The following PCDHA11 variants were observed in gnomAD, a reference collection of about 807,000 sequenced individuals.
PCDHA11 encodes the protein protocadherin alpha-11.
In PCDHA11, 61 loss-of-function variants were observed where a neutral mutation model predicts 70.3. That is an observed-to-expected ratio of 0.87 (90% CI 0.71 to 1.07). The LOEUF (loss-of-function observed/expected upper bound fraction) is 1.07, where lower values mean the gene tolerates loss of function less well. Ranked by LOEUF, PCDHA11 falls within the 50% of genes least tolerant of loss-of-function variation. The pLI, the probability that PCDHA11 is intolerant of heterozygous loss-of-function variation, is 0.00. For missense variants in PCDHA11, 1,324 were observed against 1,237.5 expected, an observed-to-expected ratio of 1.07 and a Z score of -1.05; for synonymous variants, 633 against 555.1, an observed-to-expected ratio of 1.14 and a Z score of -1.97.
intron 1 of PCDHA11, among the ~76,000 whole-genome samples, chr5:140,975,613 A>G (rs1482474647): frequency 1.3e-5 from 2 of 152,226 alleles, no homozygotes; most frequent in Non-Finnish European, 2.9e-5. Context: ...TGTCTTCCAC[A>G]TGGATTTCCA....
intron 1 of PCDHA11, among the ~76,000 whole-genome samples, chr5:140,955,446 A>G (rs574900327): frequency 6.6e-6 from 1 of 152,194 alleles, no homozygotes; most frequent in Non-Finnish European, 1.5e-5. Context: ...TGATGGTTTT[A>G]TAAGGGCTTT....
intron 3 of PCDHA11, among the ~76,000 whole-genome samples, chr5:141,001,099 C>A (rs1554258004): frequency 6.6e-6 from 1 of 151,694 alleles, no homozygotes; most frequent in African/African-American, 2.4e-5. Context: ...CTGTCTAATC[C>A]ATAATAAGCA....
intron 1 of PCDHA11, among the ~76,000 whole-genome samples, chr5:140,949,282 T>C (rs1308331025): frequency 6.6e-6 from 1 of 151,850 alleles, no homozygotes; most frequent in African/African-American, 2.4e-5. Flanking sequence ...GAAAAGAATG[T>C]ATATTCTGTA....
intron 1 of PCDHA11, chr5:140,928,189 G>A (rs1563102575): frequency 2.5e-6 from 4 of 1,614,214 alleles, no homozygotes; most frequent in Non-Finnish European, 3.4e-6. Context: ...GACAATCACT[G>A]TGTCAGTTGC....
intron 3 of PCDHA11, among the ~76,000 whole-genome samples, chr5:141,002,682 G>T (rs536105955): frequency 6.6e-6 from 1 of 152,140 alleles, no homozygotes; most frequent in Non-Finnish European, 1.5e-5. Flanking sequence ...CCTATACGAC[G>T]TGCAGATTTG....
chr5:140,973,574 C>T (rs1485415780), intron 1 of PCDHA11, among the ~76,000 whole-genome samples: 1 of 152,218 alleles, frequency 6.6e-6, no homozygotes, highest in African/African-American at 2.4e-5. Flanking sequence ...AATTTTTCTA[C>T]AGACTGCTGA....
intron 1 of PCDHA11, chr5:140,928,537 A>G (rs2085311063): frequency 1.2e-6 from 2 of 1,614,198 alleles, no homozygotes; most frequent in African/African-American, 2.7e-5. Context: ...GGTAGATAGG[A>G]ATGACAATTA....
In PCDHA11 at chr5:140,869,751, C is replaced by T. The variant is rs1562632987; in HGVS notation, c.648C>T (p.Asp216=). ...TTAATTTGCTGCTAACAGCTACAGA[C>T]GGGGGAAAACCAGAGCTTACTGGCA... The part of the protein sequence containing the change: ...PELNLLLTAT[D]GGKPELTGTV... The change falls in exon 1 of 4, where the codon GAC becomes GAT. Residue 216 remains aspartate, a synonymous_variant. Transcript: ENST00000398640. 2 of 1,613,134 alleles carry T rather than the reference C, an allele frequency of 1.2e-6. No homozygotes were observed. Among genetic ancestry groups the T allele is most frequent in the Non-Finnish European group, 1.7e-6 (2 of 1,179,750 alleles).
At chr5:140,875,992 C>T in intron 1 of PCDHA11, 2 of 1,613,870 alleles carry the variant, frequency 1.2e-6, no homozygotes, top group African/African-American at 1.3e-5. Flanking sequence ...TGCGTTAAGT[C>T]TAAATGAGAA....
At chr5:140,877,970 T>A in intron 1 of PCDHA11, 1 of 1,279,190 alleles carries the variant, frequency 7.8e-7, no homozygotes. Flanking sequence ...TTCTTGGTCA[T>A]TCTTACTCAT....
chr5:140,957,826 G>A (rs1282608668), intron 1 of PCDHA11, among the ~76,000 whole-genome samples: 3 of 151,106 alleles, frequency 2.0e-5, no homozygotes, highest in East Asian at 3.9e-4. Flanking sequence ...TTAAGAGAAA[G>A]TGTTAATTGA....
At chr5:140,898,748 G>C (rs1397892217) in intron 1 of PCDHA11, among the ~76,000 whole-genome samples, 44 of 152,222 alleles carry the variant, frequency 2.9e-4, no homozygotes, top group Non-Finnish European at 5.0e-4. Context: ...TAGCTTGATG[G>C]GGATGGCATT....
intron 1 of PCDHA11, among the ~76,000 whole-genome samples, chr5:140,897,304 G>C (rs1297881439): frequency 1.7e-4 from 25 of 150,768 alleles, no homozygotes; most frequent in African/African-American, 6.1e-4. Flanking sequence ...TTTAGCATTA[G>C]GTATATCTCC....
intron 3 of PCDHA11, among the ~76,000 whole-genome samples, chr5:140,993,462 T>TCTCACA (rs1235362335): frequency 7.1e-6 from 1 of 140,938 alleles, no homozygotes; most frequent in Non-Finnish European, 1.5e-5. Flanking sequence ...TCTTTCTTTC[T>TCTCACA]CACACACACA....
chr5:140,917,329 G>GC (rs1563018868), intron 1 of PCDHA11, among the ~76,000 whole-genome samples: 1 of 143,930 alleles, frequency 6.9e-6, no homozygotes, highest in Non-Finnish European at 1.5e-5. Flanking sequence ...TGTGGCGGGG[G>GC]AGGGGGGGGA....
At chr5:140,883,634 G>C (rs782548505) in intron 1 of PCDHA11, 18 of 1,613,174 alleles carry the variant, frequency 1.1e-5, no homozygotes, top group African/African-American at 5.4e-5. Flanking sequence ...GCCGGCGTTC[G>C]CGCAGCCCGA....
intron 1 of PCDHA11, among the ~76,000 whole-genome samples, chr5:140,904,096 T>C (rs2153483454): frequency 6.6e-6 from 1 of 152,312 alleles, no homozygotes; most frequent in Admixed American, 6.5e-5. Flanking sequence ...AATAACTACT[T>C]TAGTGGTCAT....
At chr5:140,910,037 C>G (rs1290917830) in intron 1 of PCDHA11, among the ~76,000 whole-genome samples, 1 of 152,198 alleles carries the variant, frequency 6.6e-6, no homozygotes, top group Non-Finnish European at 1.5e-5. Context: ...ATAAATCCCA[C>G]TTGGTCATAA....
At chr5:140,927,590 T>C (rs782100491) in intron 1 of PCDHA11, 21 of 1,614,058 alleles carry the variant, frequency 1.3e-5, no homozygotes, top group Non-Finnish European at 1.4e-5. Flanking sequence ...GCGCCTGTAT[T>C]TGAGCGCTCC....
Sources: allele counts gnomAD v4.1 joint callset (sites outside exome capture counted in the v4.1 genomes callset), GRCh38; gene constraint gnomAD v4.1.1; transcripts MANE v1.5; gene names NCBI Gene and HGNC (gene_info 2026-07-23, HGNC 2026-07-21).